Variants in CACNA1C observed in about 807,000 individuals in gnomAD.
CACNA1C encodes the protein calcium voltage-gated channel subunit alpha1 C.
Under a neutral mutation model 229.0 loss-of-function variants are expected in CACNA1C, and 30 were observed. The observed-to-expected ratio is 0.13, with a 90% confidence interval of 0.10 to 0.18. The LOEUF (loss-of-function observed/expected upper bound fraction) is 0.18, where lower values mean the gene tolerates loss of function less well. CACNA1C is among the 10% of genes least tolerant of loss of function. The pLI is 1.00. For synonymous variants in CACNA1C, 1,114 were observed against 1,132.5 expected, an observed-to-expected ratio of 0.98 and a Z score of 0.33; for missense variants, 1,658 against 2,845.0, an observed-to-expected ratio of 0.58 and a Z score of 9.49.
chr12:2,119,946 C>A (rs549323294), intron 2 of CACNA1C, among the ~76,000 whole-genome samples: 1 of 152,262 alleles, frequency 6.6e-6, no homozygotes, highest in Non-Finnish European at 1.5e-5. Context: ...GCCCACAGGC[C>A]GTTCGGCATA....
chr12:2,594,598 G>A (rs556635346), intron 19 of CACNA1C, among the ~76,000 whole-genome samples: 4 of 152,162 alleles, frequency 2.6e-5, no homozygotes, highest in African/African-American at 9.6e-5. Flanking sequence ...TTGTGATTTA[G>A]TCCTTTATTT....
chr12:2,222,548 A>C (rs539371622), intron 3 of CACNA1C: 3 of 152,274 alleles, frequency 2.0e-5, no homozygotes, highest in African/African-American at 7.2e-5. Context: ...GTAAATATTA[A>C]TATTTCAGGG....
At chr12:2,669,123 G>A (rs2096404654) in intron 38 of CACNA1C, 88 bp downstream of exon 38, 13 of 922,346 alleles carry the variant, frequency 1.4e-5, no homozygotes, top group Middle Eastern at 4.1e-4. Context: ...AAGTGCTCAA[G>A]GGAACTTCCT....
intron 3 of CACNA1C, among the ~76,000 whole-genome samples, chr12:2,225,332 A>G (rs2062656313): frequency 6.6e-6 from 1 of 152,260 alleles, no homozygotes; most frequent in African/African-American, 2.4e-5. Context: ...AGGCAACTAA[A>G]GAGAGCAATA....
chr12:2,259,087 C>T (rs1318370032), intron 3 of CACNA1C, among the ~76,000 whole-genome samples: 1 of 152,188 alleles, frequency 6.6e-6, no homozygotes, highest in Non-Finnish European at 1.5e-5. Flanking sequence ...CTCAATATTT[C>T]CTTCACTTAA....
At chr12:2,125,613 T>A (rs545496419) in intron 3 of CACNA1C, among the ~76,000 whole-genome samples, 73 of 152,186 alleles carry the variant, frequency 4.8e-4, no homozygotes, top group Non-Finnish European at 8.5e-4. Flanking sequence ...TTCATAGAGA[T>A]GATTAAAATG....
Position 2,633,662 on chromosome 12 carries a change from T to A in CACNA1C, c.3829-635T>A. ...TAGTGATCCCTGGAATGTTTTTGACTTCCTCATCGTAATTGGCAGCATAAT... is the reference window on the plus strand; with the variant it reads ...TAGTGATCCCTGGAATGTTTTTGACATCCTCATCGTAATTGGCAGCATAAT... On this transcript the variant is annotated intron_variant, in intron 29 of 46. Coordinates refer to ENST00000399655, the MANE Select transcript of CACNA1C (RefSeq NM_000719.7). This position sits in a 1 kb window ranked among gnomAD's most constrained non-coding sequence, Gnocchi z 5.8. The A allele has an allele frequency of 6.2e-7, 1 of 1,611,080 alleles. No individual in the cohort carries two copies. Among genetic ancestry groups the A allele is most frequent in the Non-Finnish European group, 8.5e-7 (1 of 1,177,266 alleles).
At chr12:2,357,114 A>G (rs2097392885) in intron 3 of CACNA1C, among the ~76,000 whole-genome samples, 1 of 152,218 alleles carries the variant, frequency 6.6e-6, no homozygotes, top group Non-Finnish European at 1.5e-5. Flanking sequence ...TGTGTCACTC[A>G]TTGATGAGAA....
intron 3 of CACNA1C, among the ~76,000 whole-genome samples, chr12:2,406,264 C>T (rs2098736162): frequency 6.6e-6 from 1 of 152,220 alleles, no homozygotes; most frequent in African/African-American, 2.4e-5. Flanking sequence ...CCTATTTTGG[C>T]TTCACTGAGC....
At chr12:2,424,047 C>T (rs936572066) in intron 3 of CACNA1C, among the ~76,000 whole-genome samples, 7 of 151,902 alleles carry the variant, frequency 4.6e-5, no homozygotes, top group Non-Finnish European at 7.4e-5. Context: ...CAGTAACCCG[C>T]GCACATTATG....
At chr12:2,451,548 A>G (rs2099369915) in intron 4 of CACNA1C, among the ~76,000 whole-genome samples, 1 of 152,176 alleles carries the variant, frequency 6.6e-6, no homozygotes, top group African/African-American at 2.4e-5. Flanking sequence ...AGAGACAAGA[A>G]ATACAGGGTG....
chr12:2,586,926 C>T (rs896054587), intron 18 of CACNA1C, among the ~76,000 whole-genome samples: 8 of 152,154 alleles, frequency 5.3e-5, no homozygotes, highest in African/African-American at 9.7e-5. Flanking sequence ...TCTTAAAACC[C>T]CTTCTAGGGT....
At chr12:2,655,558 T>G (rs1433389467) in intron 34 of CACNA1C, among the ~76,000 whole-genome samples, 2 of 152,242 alleles carry the variant, frequency 1.3e-5, no homozygotes, top group South Asian at 4.1e-4. Flanking sequence ...TTTGTGACCT[T>G]GAGTGAGATA....
intron 3 of CACNA1C, among the ~76,000 whole-genome samples, chr12:2,159,926 A>T (rs1227252271): frequency 6.6e-6 from 1 of 152,224 alleles, no homozygotes; most frequent in Non-Finnish European, 1.5e-5. Flanking sequence ...ATGTAAGTAA[A>T]ACAAGAGTCC....
intron 5 of CACNA1C, among the ~76,000 whole-genome samples, chr12:2,462,290 C>CA (rs1597072799): frequency 6.7e-6 from 1 of 148,726 alleles, no homozygotes; most frequent in Non-Finnish European, 1.5e-5. Context: ...CCTCGGCACC[C>CA]CCTCGGCTCA....
chr12:2,471,539 A>T (rs1367606272), intron 5 of CACNA1C, among the ~76,000 whole-genome samples: 1 of 152,182 alleles, frequency 6.6e-6, no homozygotes, highest in African/African-American at 2.4e-5. Context: ...GCTTTTGTTT[A>T]TCTGAACATG....
chr12:2,576,141 G>T (rs959540365), intron 13 of CACNA1C, among the ~76,000 whole-genome samples: 4 of 152,202 alleles, frequency 2.6e-5, no homozygotes, highest in Non-Finnish European at 5.9e-5. Flanking sequence ...CAGAGAACTT[G>T]ATGTGATGAA....
chr12:2,387,486 A>AAAAG lies in CACNA1C; in HGVS notation c.478-61469_478-61466dup, dbSNP rs150599021. Among the ~76,000 whole-genome samples, 652 of 151,948 alleles carry AAAAG rather than the reference A, an allele frequency of 4.3e-3. 3 individuals are homozygous for AAAAG. The highest frequency in any genetic ancestry group is 7.4e-3 in the Non-Finnish European group (505 of 67,958). On this transcript the variant is annotated intron_variant, in intron 3 of 46. Coordinates refer to ENST00000399655, the MANE Select transcript of CACNA1C (RefSeq NM_000719.7). ...GGCGACAGATCAAGACTCCATCTCA[A>AAAAG]AAAGAAAGAAAGAAAGAAAGAAAGC...
chr12:2,552,599 C>T (rs577590682), intron 10 of CACNA1C, among the ~76,000 whole-genome samples: 10 of 152,234 alleles, frequency 6.6e-5, no homozygotes, highest in Admixed American at 3.3e-4. Flanking sequence ...ATCACTGCGA[C>T]GTCAGGAAAA....
Sources: allele counts gnomAD v4.1 joint callset (sites outside exome capture counted in the v4.1 genomes callset), GRCh38; gene constraint gnomAD v4.1.1; non-coding constraint Gnocchi (gnomAD v3.1); transcripts MANE v1.5; gene names NCBI Gene and HGNC (gene_info 2026-07-23, HGNC 2026-07-21).